Variants in POFUT3 observed in about 807,000 individuals in gnomAD.
POFUT3 encodes protein O-fucosyltransferase 3, also known as GDP-fucose protein O-fucosyltransferase 3.
the POFUT3 span, among the ~76,000 whole-genome samples, chr8:33,361,633 T>A: frequency 6.6e-6 from 1 of 152,226 alleles, no homozygotes. Flanking sequence ...AGCAATTTTG[T>A]GACTTCCATT....
At chr8:33,431,694 A>T in the POFUT3 span, among the ~76,000 whole-genome samples, 2 of 151,290 alleles carry the variant, frequency 1.3e-5, no homozygotes, top group Non-Finnish European at 2.9e-5. Flanking sequence ...ACTTTGTTAC[A>T]GGGCTGATGT....
chr8:33,389,832 T>C, the POFUT3 span: 161 of 1,454,066 alleles, frequency 1.1e-4, 1 homozygote, highest in Non-Finnish European at 7.7e-5. Flanking sequence ...AATTAGTATT[T>C]CCAAAAGATG....
At chr8:33,369,535 C>T in the POFUT3 span, among the ~76,000 whole-genome samples, 1 of 152,146 alleles carries the variant, frequency 6.6e-6, no homozygotes, top group African/African-American at 2.4e-5. Flanking sequence ...ATAAGCCACC[C>T]AGTCTATCGT....
the POFUT3 span, among the ~76,000 whole-genome samples, chr8:33,416,453 TG>T: frequency 6.6e-6 from 1 of 152,064 alleles, no homozygotes; most frequent in Non-Finnish European, 1.5e-5. Flanking sequence ...GGCGCACACC[TG>T]TAATCCCAGC....
At chr8:33,450,934 A>T in the POFUT3 span, among the ~76,000 whole-genome samples, 4 of 152,202 alleles carry the variant, frequency 2.6e-5, no homozygotes, top group Non-Finnish European at 2.9e-5. Context: ...CACTTCAGTA[A>T]AAGGAGACAG....
chr8:33,404,440 C>A, the POFUT3 span, among the ~76,000 whole-genome samples: 5 of 152,028 alleles, frequency 3.3e-5, no homozygotes, highest in Admixed American at 6.6e-5. Flanking sequence ...TAGGTGAGTT[C>A]ACAAAGCTTT....
chr8:33,373,230 C>T, the POFUT3 span, among the ~76,000 whole-genome samples: 2 of 152,042 alleles, frequency 1.3e-5, no homozygotes, highest in African/African-American at 2.4e-5. Context: ...TATTCGAATA[C>T]TCATTGCAAA....
At chr8:33,380,112 T>A in the POFUT3 span, among the ~76,000 whole-genome samples, 1 of 72,298 alleles carries the variant, frequency 1.4e-5, no homozygotes, top group Admixed American at 2.0e-4. Context: ...ATATATATAC[T>A]ATATATATAC....
the POFUT3 span, among the ~76,000 whole-genome samples, chr8:33,309,519 C>A: frequency 1.3e-5 from 2 of 151,880 alleles, no homozygotes; most frequent in South Asian, 2.1e-4. Flanking sequence ...GATTTAAGAA[C>A]CCTGAACTCG....
chr8:33,324,592 A>G, the POFUT3 span, among the ~76,000 whole-genome samples: 1 of 152,170 alleles, frequency 6.6e-6, no homozygotes, highest in Non-Finnish European at 1.5e-5. Flanking sequence ...GGAGGTAGTA[A>G]TAGTATCTAT....
chr8:33,447,716 A>C, the POFUT3 span, among the ~76,000 whole-genome samples: 1 of 152,230 alleles, frequency 6.6e-6, no homozygotes, highest in Non-Finnish European at 1.5e-5. Flanking sequence ...AACAAAATTT[A>C]AAATGTAAAA....
chr8:33,410,124 G>A, the POFUT3 span, among the ~76,000 whole-genome samples: 40 of 152,186 alleles, frequency 2.6e-4, no homozygotes, highest in South Asian at 5.8e-3. Context: ...CTGATCTGGA[G>A]GTCTTATTTA....
At chr8:33,412,023 A>AGTCAC in the POFUT3 span, among the ~76,000 whole-genome samples, 42,977 of 151,860 alleles carry the variant, frequency 0.28, 6,167 homozygotes, top group South Asian at 0.44. Flanking sequence ...GCACACTGAG[A>AGTCAC]GTTTCCTCAT....
the POFUT3 span, chr8:33,389,560 GT>G: frequency 1.2e-6 from 2 of 1,614,172 alleles, no homozygotes; most frequent in African/African-American, 2.7e-5. Flanking sequence ...TTCTAAGCTT[GT>G]TTTTGGACTG....
the POFUT3 span, among the ~76,000 whole-genome samples, chr8:33,309,982 G>C: frequency 6.6e-6 from 1 of 152,148 alleles, no homozygotes. Context: ...TATGATTTAT[G>C]CTTTTATCAT....
chr8:33,334,222 C>A, the POFUT3 span, among the ~76,000 whole-genome samples: 10 of 151,696 alleles, frequency 6.6e-5, no homozygotes, highest in Non-Finnish European at 1.2e-4. Context: ...GTTGAAAATT[C>A]CTTTTTTTTT....
At chr8:33,375,643 T>C in the POFUT3 span, among the ~76,000 whole-genome samples, 1 of 152,228 alleles carries the variant, frequency 6.6e-6, no homozygotes, top group Non-Finnish European at 1.5e-5. Context: ...CTACATGGTT[T>C]ATTTTTTAAT....
chr8:33,344,423 G>C, the POFUT3 span, among the ~76,000 whole-genome samples: 7 of 152,172 alleles, frequency 4.6e-5, no homozygotes, highest in African/African-American at 1.4e-4. Flanking sequence ...ATAAAGATTT[G>C]AGGATCTGAC....
the POFUT3 span, among the ~76,000 whole-genome samples, chr8:33,337,577 C>G: frequency 6.6e-6 from 1 of 152,054 alleles, no homozygotes; most frequent in African/African-American, 2.4e-5. Flanking sequence ...TCTACTCTCA[C>G]CAACAACCAC....
Sources: gnomAD v4.1 joint callset for allele counts (sites outside exome capture counted in the v4.1 genomes callset) on GRCh38, gnomAD v4.1.1 for gene constraint, MANE v1.5 for transcripts, NCBI Gene and HGNC (gene_info 2026-07-23, HGNC 2026-07-21) for gene names.